The following VTI1B variants were observed in gnomAD, a reference collection of about 807,000 sequenced individuals.
VTI1B encodes the protein vesicle transport through interaction with t-SNAREs 1B, also known as vesicle transport through interaction with t-SNAREs homolog 1B.
In VTI1B, 18 loss-of-function variants were observed where a neutral mutation model predicts 28.6. The observed-to-expected ratio is 0.63, with a 90% CI of 0.43 to 0.93. VTI1B has a LOEUF of 0.93. Ranked by LOEUF, VTI1B falls within the 40% of genes least tolerant of loss-of-function variation. VTI1B has a pLI of 0.00. For missense variants in VTI1B, 283 were observed against 297.0 expected (o/e 0.95, Z 0.35); for synonymous variants, 100 against 107.9 (o/e 0.93, Z 0.46).
At chr14:67,673,239 G>A (rs1281409438) in intron 1 of VTI1B, among the ~76,000 whole-genome samples, 2 of 152,264 alleles carry the variant, frequency 1.3e-5, no homozygotes, top group African/African-American at 2.4e-5. Flanking sequence ...TATTACTCCA[G>A]AGGCTGAGGC....
intron 2 of VTI1B, among the ~76,000 whole-genome samples, chr14:67,661,371 C>A (rs1185721217): frequency 6.8e-6 from 1 of 146,812 alleles, no homozygotes; most frequent in Non-Finnish European, 1.5e-5. Context: ...ACGGAACCAA[C>A]TTCTGACAAA....
intron 5 of VTI1B, 28 bp downstream of exon 5, chr14:67,653,409 G>A: frequency 1.9e-6 from 3 of 1,607,364 alleles, no homozygotes; most frequent in South Asian, 2.2e-5. Flanking sequence ...TGAGTTAAGA[G>A]AAATTTCATG....
At chr14:67,662,747 T>C (rs1477308071) in intron 1 of VTI1B, among the ~76,000 whole-genome samples, 1 of 151,616 alleles carries the variant, frequency 6.6e-6, no homozygotes, top group East Asian at 1.9e-4. Context: ...CTACTAACGA[T>C]ACAAAAATTA....
intron 5 of VTI1B, 82 bp downstream of exon 5, chr14:67,653,355 G>T: frequency 1.6e-6 from 2 of 1,228,204 alleles, no homozygotes; most frequent in Non-Finnish European, 2.4e-6. Context: ...GCTTTATGAG[G>T]ACCTTTGTAA....
chr14:67,673,074 A>C (rs1188871914), intron 1 of VTI1B, among the ~76,000 whole-genome samples: 2 of 152,288 alleles, frequency 1.3e-5, no homozygotes, highest in East Asian at 3.9e-4. Context: ...CTCAGAGAGG[A>C]CTTTCACAAC....
intron 1 of VTI1B, among the ~76,000 whole-genome samples, chr14:67,664,660 C>CTAATTTTTT (rs1342715509): frequency 1.3e-5 from 2 of 151,884 alleles, no homozygotes; most frequent in Non-Finnish European, 2.9e-5. Flanking sequence ...CCATGCCCGG[C>CTAATTTTTT]TAATTTTTTT....
At chr14:67,654,539 A>AC (rs1594834355) in intron 4 of VTI1B, among the ~76,000 whole-genome samples, 3 of 152,174 alleles carry the variant, frequency 2.0e-5, no homozygotes, top group Admixed American at 1.3e-4. Context: ...TGAATGTAGT[A>AC]CTTTATTGTG....
At position 67,651,043 on chromosome 14, in the gene VTI1B, C is replaced by A. The variant is rs912781805; in HGVS notation, c.*342G>T. 7 of 1,119,644 alleles carry A rather than the reference C, an allele frequency of 6.3e-6. No homozygotes were observed. The highest frequency in any genetic ancestry group is 8.9e-6 in the Non-Finnish European group (7 of 782,564). 69.4% of individuals were successfully genotyped at this position (1,119,644 alleles called of 1,614,324 possible). A position where few individuals can be genotyped will look rare whatever the true frequency, so the allele number is the denominator to read the frequency against. ...GCCTTAATGAGAACATTTACACATTCTCACAATTGTAAAGTTTCCCCTCTA... is the reference window on the plus strand; with the variant it reads ...GCCTTAATGAGAACATTTACACATTATCACAATTGTAAAGTTTCCCCTCTA... On this transcript the variant is annotated 3_prime_UTR_variant, in exon 6 of 6. Coordinates refer to ENST00000554659, the MANE Select transcript of VTI1B (RefSeq NM_006370.3).
At chr14:67,653,867 C>T (rs1388996725) in intron 4 of VTI1B, among the ~76,000 whole-genome samples, 2 of 152,214 alleles carry the variant, frequency 1.3e-5, no homozygotes, top group Admixed American at 6.5e-5. Flanking sequence ...CCAGGACAGC[C>T]TCTTGAGTTG....
Position 67,668,539 on chromosome 14 carries a change from A to C in VTI1B, c.115+5836T>G, listed in dbSNP as rs192468310. ...ATGAAAATGTGGACAACAGAATAGAAATAAATCACAATCATATATCAATAT... is the reference window on the plus strand; with the variant it reads ...ATGAAAATGTGGACAACAGAATAGACATAAATCACAATCATATATCAATAT... On this transcript the variant is annotated intron_variant, in intron 1 of 5. Coordinates refer to ENST00000554659, the MANE Select transcript of VTI1B (RefSeq NM_006370.3). Among the ~76,000 whole-genome samples, 4 of 152,326 alleles carry C rather than the reference A, an allele frequency of 2.6e-5. No homozygotes were observed. In the East Asian group the frequency reaches 7.7e-4, roughly 29 times the overall value.
chr14:67,658,454 G>A lies in VTI1B; in HGVS notation c.366+1277C>T, dbSNP rs370278196. On this transcript the variant is annotated intron_variant, in intron 3 of 5. Coordinates refer to ENST00000554659, the MANE Select transcript of VTI1B (RefSeq NM_006370.3). Reference sequence around the variant, plus strand: ...CTAAAAGTACAAAAAAAAATTAGCCGGGCGTGGTGGTGGGCGCCTGTAGTC... The same window carrying A: ...CTAAAAGTACAAAAAAAAATTAGCCAGGCGTGGTGGTGGGCGCCTGTAGTC... Among the ~76,000 whole-genome samples, 58 of 152,132 alleles carry A rather than the reference G, an allele frequency of 3.8e-4. 1 individual carries two copies. The highest frequency in any genetic ancestry group is 1.1e-3 in the African/African-American group (47 of 41,500).
chr14:67,651,081 A>C lies in VTI1B; in HGVS notation c.*304T>G. Reference sequence around the variant, plus strand: ...AGTTTCCCCTCTATTTTGGTGACCAATACTACTGTAAATGTATTTGGTTTT... The same window carrying C: ...AGTTTCCCCTCTATTTTGGTGACCACTACTACTGTAAATGTATTTGGTTTT... On this transcript the variant is annotated 3_prime_UTR_variant, in exon 6 of 6. Coordinates refer to ENST00000554659, the MANE Select transcript of VTI1B (RefSeq NM_006370.3). 1 of 954,770 alleles carries C rather than the reference A, an allele frequency of 1.0e-6. No homozygotes were observed. The highest frequency in any genetic ancestry group is 1.5e-6 in the Non-Finnish European group (1 of 645,224). The allele number at this position is 954,770 out of a possible 1,614,324, so 59.1% of individuals were successfully genotyped here.
intron 2 of VTI1B, among the ~76,000 whole-genome samples, chr14:67,661,315 A>G (rs1322274922): frequency 6.7e-6 from 1 of 148,278 alleles, no homozygotes; most frequent in African/African-American, 2.5e-5. Flanking sequence ...TTTTTTTTAA[A>G]GAAAAGCCAC....
rs180922978 is a variant in VTI1B at position 67,663,657 on chromosome 14, G to T, written c.116-1122C>A. Reference sequence around the variant, plus strand: ...CCACTGCACTCCAGCCTGGGCGACAGAGGGAGACTCCATTTCAAAATAAAT... The same window carrying T: ...CCACTGCACTCCAGCCTGGGCGACATAGGGAGACTCCATTTCAAAATAAAT... On this transcript the variant is annotated intron_variant, in intron 1 of 5. Transcript: ENST00000554659. Among the ~76,000 whole-genome samples the T allele has an allele frequency of 5.4e-4, 83 of 152,310 alleles. No homozygotes were observed. In the East Asian group the frequency reaches 0.015, roughly 27 times the overall value.
chr14:67,671,336 G>C (rs1285641253), intron 1 of VTI1B, among the ~76,000 whole-genome samples: 1 of 152,074 alleles, frequency 6.6e-6, no homozygotes, highest in African/African-American at 2.4e-5. Context: ...GACCAGCCTG[G>C]CCAACATGGT....
chr14:67,674,448 C>G lies in VTI1B; in HGVS notation c.42G>C (p.Leu14=). 6.2e-7 allele frequency: 1 copy of G among 1,609,308 alleles called. No homozygotes were observed. Among genetic ancestry groups the G allele is most frequent in the African/African-American group, 1.3e-5 (1 of 74,886 alleles). The change falls in exon 1 of 6, where the codon CTG becomes CTC. Residue 14 remains leucine, a synonymous_variant. Coordinates refer to ENST00000554659, the MANE Select transcript of VTI1B (RefSeq NM_006370.3). The part of the protein sequence containing the change: ...SAASSEHFEK[L]HEIFRGLHED... ...CATGGAGGCCGCGGAAGATCTCGTGCAGCTTCTCGAAATGCTCCGAGGAGG... is the reference window on the plus strand; with the variant it reads ...CATGGAGGCCGCGGAAGATCTCGTGGAGCTTCTCGAAATGCTCCGAGGAGG...
chr14:67,659,705 AAAC>A, intron 3 of VTI1B, 23 bp downstream of exon 3: 3 of 1,569,318 alleles, frequency 1.9e-6, no homozygotes, highest in Non-Finnish European at 1.7e-6. Context: ...AGGAAAAAAA[AAAC>A]AAACAAAACA....
At chr14:67,663,882 C>T (rs1196563568) in intron 1 of VTI1B, among the ~76,000 whole-genome samples, 2 of 152,074 alleles carry the variant, frequency 1.3e-5, no homozygotes, top group Non-Finnish European at 2.9e-5. Context: ...TAGATAATTT[C>T]CTTCATTTCT....
chr14:67,663,894 T>C (rs768231334), intron 1 of VTI1B, among the ~76,000 whole-genome samples: 1 of 152,198 alleles, frequency 6.6e-6, no homozygotes, highest in Non-Finnish European at 1.5e-5. Context: ...TTCATTTCTT[T>C]GGGACCTCAC....
Sources: gnomAD v4.1 joint callset for allele counts (sites outside exome capture counted in the v4.1 genomes callset) on GRCh38, gnomAD v4.1.1 for gene constraint, MANE v1.5 for transcripts, NCBI Gene and HGNC (gene_info 2026-07-23, HGNC 2026-07-21) for gene names.